OTOF: variants seen among roughly 807,000 people sequenced by gnomAD.
The protein encoded by OTOF is otoferlin.
In OTOF, 218 loss-of-function variants were observed where a neutral mutation model predicts 236.8. The observed-to-expected ratio is 0.92, with a 90% confidence interval of 0.82 to 1.03. OTOF has a LOEUF of 1.03. Ranked by LOEUF, OTOF falls within the 50% of genes least tolerant of loss-of-function variation. OTOF has a pLI of 0.00. For synonymous variants in OTOF, 1,041 were observed against 1,072.5 expected, an observed-to-expected ratio of 0.97 and a Z score of 0.57; for missense variants, 2,590 against 2,694.4, an observed-to-expected ratio of 0.96 and a Z score of 0.86.
chr2:26,472,237 A>G (rs890258819), intron 30 of OTOF: 2 of 477,920 alleles, frequency 4.2e-6, no homozygotes, highest in African/African-American at 4.0e-5. Flanking sequence ...TGCACGCACA[A>G]ATGCACATAC....
At chr2:26,551,188 C>T (rs1667453670) in intron 1 of OTOF, among the ~76,000 whole-genome samples, 1 of 152,222 alleles carries the variant, frequency 6.6e-6, no homozygotes, top group African/African-American at 2.4e-5. Context: ...TGTGGTTTCA[C>T]CATGTTGGCC....
intron 7 of OTOF, among the ~76,000 whole-genome samples, 155 bp from the exon 8 acceptor site, chr2:26,501,963 T>C (rs550845068): frequency 7.2e-5 from 11 of 152,264 alleles, no homozygotes; most frequent in African/African-American, 2.4e-4. Context: ...ATTAGTTGTC[T>C]TCAGAGGCCT....
Position 26,490,064 on chromosome 2 carries a change from G to A in OTOF, c.898-324C>T, listed in dbSNP as rs374920262. Among the ~76,000 whole-genome samples the A allele has an allele frequency of 7.2e-5, 11 of 152,226 alleles. No homozygotes were observed. In the East Asian group the frequency reaches 7.7e-4, roughly 11 times the overall value. ...AGGGCCAGGGAGCAAGCAGACCTGGGTTCTAGTCCCCGCTCTGCACCTTCT... is the reference window on the plus strand; with the variant it reads ...AGGGCCAGGGAGCAAGCAGACCTGGATTCTAGTCCCCGCTCTGCACCTTCT... On this transcript the variant is annotated intron_variant, in intron 9 of 46. Transcript: ENST00000272371.
chr2:26,475,629 T>A (rs1267353862), intron 24 of OTOF, 136 bp from the exon 25 acceptor site: 1 of 1,063,172 alleles, frequency 9.4e-7, no homozygotes, highest in African/African-American at 1.6e-5. Flanking sequence ...CTTCCAGAAA[T>A]CTTAAAATCA....
rs111386336 is a variant in OTOF, at chr2:26,525,687, A to G, written c.227+2145T>C. Among the ~76,000 whole-genome samples, 1,339 of 152,248 alleles carry G rather than the reference A, an allele frequency of 8.8e-3. 17 individuals carry two copies. The highest frequency in any genetic ancestry group is 0.029 in the African/African-American group (1,221 of 41,542). On this transcript the variant is annotated intron_variant, in intron 3 of 46. Coordinates refer to ENST00000272371, the MANE Select transcript of OTOF (RefSeq NM_194248.3). ...GATGGATGGATGGATGAATGGATGG[A>G]AGAATGAAAGGATGGATGAATGGAT... is the stretch of plus-strand genomic sequence containing the variant.
In OTOF at chr2:26,464,927, C is replaced by A. The variant is rs1364287467; in HGVS notation, c.4902G>T (p.Gly1634=). The A allele has an allele frequency of 1.1e-5, 18 of 1,586,860 alleles. No individual in the cohort carries two copies. Among genetic ancestry groups the A allele is most frequent in the Non-Finnish European group, 1.5e-5 (18 of 1,166,224 alleles). Residue 1634 remains glycine (G), a synonymous_variant, in exon 39 of 47, where the codon GGG becomes GGT. Transcript: ENST00000272371. ...KVDGPHFGPP[G]RVKVANRVFT... is the part of the protein sequence containing the mutation. ...AGACGCGGTTGGCCACCTTCACTCTCCCAGGGGGCCCAAAGTGGGGGCCGT... is the reference window on the plus strand; with the variant it reads ...AGACGCGGTTGGCCACCTTCACTCTACCAGGGGGCCCAAAGTGGGGGCCGT...
At chr2:26,520,522 G>T (rs1477097719) in intron 3 of OTOF, among the ~76,000 whole-genome samples, 2 of 152,256 alleles carry the variant, frequency 1.3e-5, no homozygotes, top group East Asian at 3.9e-4. Flanking sequence ...AACCACCATT[G>T]TGCCCCACCT....
At chr2:26,502,447 G>C in intron 6 of OTOF, 21 bp from the exon 7 acceptor site, 4 of 1,609,626 alleles carry the variant, frequency 2.5e-6, no homozygotes, top group Non-Finnish European at 3.4e-6. Flanking sequence ...TGAAAGACTG[G>C]TTAGGTGGGC....
intron 25 of OTOF, 68 bp downstream of exon 25, chr2:26,475,291 G>A: frequency 1.3e-6 from 2 of 1,568,400 alleles, no homozygotes; most frequent in Non-Finnish European, 1.8e-6. Context: ...CTCAGCGCAG[G>A]TGGAGTGCAG....
Position 26,472,502 on chromosome 2 carries a change from G to T in OTOF, c.3864+17C>A. ...GCATGTTCCCAGCCAGCAGGGGGCT[G>T]ACCCCACCCGCCTTACCGCGTCCAG... On this transcript the variant is annotated intron_variant, in intron 30 of 46. Coordinates refer to ENST00000272371, the MANE Select transcript of OTOF (RefSeq NM_194248.3). 6.2e-7 allele frequency: 1 copy of T among 1,613,278 alleles called. No individual in the cohort carries two copies. The highest frequency in any genetic ancestry group is 8.5e-7 in the Non-Finnish European group (1 of 1,179,962).
rs867728269 is a variant in OTOF, at chr2:26,502,370, C to T, written c.640G>A (p.Asp214Asn). 1.2e-6 allele frequency: 2 copies of T among 1,613,996 alleles called. No homozygotes were observed. Among genetic ancestry groups the T allele is most frequent in the Non-Finnish European group, 8.5e-7 (1 of 1,179,940 alleles). The change falls in exon 7 of 47, where the codon GAT becomes AAT. Residue 214 changes from aspartate to asparagine, a missense_variant. By Grantham distance (23) the Asp-to-Asn change is conservative (BLOSUM62 1). This residue lies in a region of OTOF where 1,379 missense variants were observed against 1,341.6 expected (regional missense o/e 1.03). Transcript: ENST00000272371. ...GACACCGAGTCGGGATCCAGTCCATCTCCTAGCCGAATGGCCAGATGGTCA... is the reference window on the plus strand; with the variant it reads ...GACACCGAGTCGGGATCCAGTCCATTTCCTAGCCGAATGGCCAGATGGTCA... ...DLDHLAIRLG[D>N]GLDPDSVSLA...
At chr2:26,517,154 C>G (rs1303901182) in intron 4 of OTOF, among the ~76,000 whole-genome samples, 5 of 152,174 alleles carry the variant, frequency 3.3e-5, no homozygotes, top group East Asian at 1.9e-4. Context: ...GGGTTTTCCT[C>G]TGGCAAAAAG....
At chr2:26,506,380 C>G (rs1041617084) in intron 5 of OTOF, among the ~76,000 whole-genome samples, 2 of 152,232 alleles carry the variant, frequency 1.3e-5, no homozygotes, top group Admixed American at 6.5e-5. Flanking sequence ...CCATTGCAGC[C>G]TGCTCCAGCC....
chr2:26,510,776 C>A, intron 5 of OTOF: 1 of 1,282,016 alleles, frequency 7.8e-7, no homozygotes, highest in Non-Finnish European at 1.0e-6. Flanking sequence ...AATGAGGAGA[C>A]AAGGGGACAC....
In OTOF at chr2:26,462,086, C is replaced by T; in HGVS notation, c.5288G>A (p.Arg1763Lys). 1.2e-6 allele frequency: 2 copies of T among 1,613,624 alleles called. No individual in the cohort carries two copies. The highest frequency in any genetic ancestry group is 1.7e-6 in the Non-Finnish European group (2 of 1,179,696). Residue 1763 changes from arginine to lysine, a missense_variant, in exon 42 of 47, where the codon AGG (arginine) becomes AAG (lysine). Arg to Lys is a conservative substitution (Grantham distance 26). Around this residue, in one of 2 missense-constraint regions of OTOF, gnomAD observed 1,211 missense variants for 1,352.8 expected, o/e 0.90. Coordinates refer to ENST00000272371, the MANE Select transcript of OTOF (RefSeq NM_194248.3). The surrounding 1 kb of genome is among the most constrained non-coding windows in gnomAD (Gnocchi z 4.7). ...TGEKSSDIFV[R>K]GWLKGQQEDK... is the part of the protein sequence containing the mutation. Reference sequence around the variant, plus strand: ...CATGCAGGGACTGCTCACCCACCCCCTCACGAAGATGTCACTGGACTTCTC... The same window carrying T: ...CATGCAGGGACTGCTCACCCACCCCTTCACGAAGATGTCACTGGACTTCTC...
At chr2:26,537,693 G>T (rs773799267) in intron 2 of OTOF, 23 bp downstream of exon 2, 4 of 1,537,708 alleles carry the variant, frequency 2.6e-6, no homozygotes, top group Admixed American at 2.0e-5. Context: ...GGCTGAGGGA[G>T]GGGGGAGTCT....
chr2:26,479,258 C>T lies in OTOF; in HGVS notation c.2214+6G>A. 3 of 1,612,476 alleles carry T rather than the reference C, an allele frequency of 1.9e-6. No individual in the cohort carries two copies. In the African/African-American group the frequency reaches 4.0e-5, roughly 21 times the overall value. ...CACCCCTGCTGGCCCCTGGCCTGGC[C>T]CTGACCAGCTTGTCGGCAATGTGGT... On this transcript the variant is annotated splice_donor_region_variant and intron_variant, in intron 18 of 46. Coordinates refer to ENST00000272371, the MANE Select transcript of OTOF (RefSeq NM_194248.3).
At chr2:26,527,238 T>C (rs116685289) in intron 3 of OTOF, among the ~76,000 whole-genome samples, 2,568 of 152,350 alleles carry the variant, frequency 0.017, 30 homozygotes, top group Non-Finnish European at 0.029. Flanking sequence ...GTTGAATGAG[T>C]GAGTGAATAT....
In OTOF at chr2:26,462,192, G is replaced by T. The variant is rs925851263; in HGVS notation, c.5193-11C>A. The T allele has an allele frequency of 6.2e-7, 1 of 1,612,880 alleles. No individual in the cohort carries two copies. Among genetic ancestry groups the T allele is most frequent in the South Asian group, 1.1e-5 (1 of 91,066 alleles). ...ACCCGCAGCTCGTACCTGGGCCCAG[G>T]GAGAGAAGGCTGGTTAGCAGCCCCA... On this transcript the variant is annotated splice_polypyrimidine_tract_variant and intron_variant, in intron 41 of 46. Coordinates refer to ENST00000272371, the MANE Select transcript of OTOF (RefSeq NM_194248.3). This position sits in a 1 kb window ranked among gnomAD's most constrained non-coding sequence, Gnocchi z 4.7.
Sources: gnomAD v4.1 joint callset for allele counts (sites outside exome capture counted in the v4.1 genomes callset) on GRCh38, gnomAD v4.1.1 for gene constraint, gnomAD v4.1.1 regional missense constraint, Gnocchi (gnomAD v3.1) non-coding constraint, MANE v1.5 for transcripts, NCBI Gene and HGNC (gene_info 2026-07-23, HGNC 2026-07-21) for gene names.